Variants in LRMDA observed in about 807,000 individuals in gnomAD.
The protein encoded by LRMDA is leucine rich melanocyte differentiation associated.
A neutral mutation model predicts 29.8 loss-of-function variants in LRMDA; 18 were observed. The observed-to-expected ratio is 0.60, with a 90% CI of 0.42 to 0.90. The LOEUF is 0.90. Among genes scored for constraint, LRMDA ranks in the 40% least tolerant of loss-of-function variants. The pLI is 0.00. For synonymous variants in LRMDA, 125 were observed against 109.4 expected (o/e 1.14, Z -0.89); for missense variants, 273 against 273.9 (o/e 1.00, Z 0.02).
intron 2 of LRMDA, among the ~76,000 whole-genome samples, chr10:75,696,629 G>A (rs896832832): frequency 1.5e-4 from 23 of 152,204 alleles, no homozygotes; most frequent in African/African-American, 5.5e-4. Context: ...CAGAAAAGCT[G>A]TAAGACGATG....
intron 2 of LRMDA, among the ~76,000 whole-genome samples, chr10:75,972,830 C>T (rs1564620203): frequency 1.3e-5 from 2 of 152,160 alleles, no homozygotes; most frequent in African/African-American, 4.8e-5. Context: ...CTCCAAGTCT[C>T]CTCTGCCACC....
chr10:76,160,279 A>AT (rs1001986255), intron 5 of LRMDA, among the ~76,000 whole-genome samples: 1 of 150,650 alleles, frequency 6.6e-6, no homozygotes, highest in Non-Finnish European at 1.5e-5. Flanking sequence ...CACATGTGTC[A>AT]TTTTATCTTG....
chr10:75,531,577 A>G (rs1458985505), intron 2 of LRMDA, among the ~76,000 whole-genome samples: 1 of 152,156 alleles, frequency 6.6e-6, no homozygotes, highest in Non-Finnish European at 1.5e-5. Flanking sequence ...GCCTGGTTGT[A>G]AGTGCCACAG....
At chr10:76,549,095 C>A (rs545318553) in intron 6 of LRMDA, among the ~76,000 whole-genome samples, 53 of 152,232 alleles carry the variant, frequency 3.5e-4, no homozygotes, top group African/African-American at 1.2e-3. Context: ...TCCTCTCTTT[C>A]CTTCCCCACC....
chr10:75,610,471 A>C (rs921217664), intron 2 of LRMDA, among the ~76,000 whole-genome samples: 10 of 151,864 alleles, frequency 6.6e-5, no homozygotes, highest in African/African-American at 2.4e-4. Flanking sequence ...AGACAAACAC[A>C]TACCACACCC....
intron 2 of LRMDA, among the ~76,000 whole-genome samples, chr10:75,930,346 G>A (rs913400134): frequency 6.6e-6 from 1 of 152,130 alleles, no homozygotes; most frequent in Non-Finnish European, 1.5e-5. Flanking sequence ...GAATTTCTCG[G>A]TGTCTTAGTT....
chr10:76,357,553 G>A (rs952724865), intron 6 of LRMDA, among the ~76,000 whole-genome samples: 3 of 152,136 alleles, frequency 2.0e-5, no homozygotes, highest in Non-Finnish European at 4.4e-5. Context: ...TTTTAGAGCC[G>A]GAGTTTCTAA....
chr10:76,307,967 T>A (rs1840579246), intron 5 of LRMDA, among the ~76,000 whole-genome samples: 1 of 152,174 alleles, frequency 6.6e-6, no homozygotes. Context: ...TCCTGAACTG[T>A]TCAACAAGGG....
intron 2 of LRMDA, among the ~76,000 whole-genome samples, chr10:75,625,358 A>C (rs569404206): frequency 6.6e-6 from 1 of 152,330 alleles, no homozygotes; most frequent in South Asian, 2.1e-4. Context: ...TGACTTGTCC[A>C]ACTGATAGGA....
At chr10:75,975,627 G>A (rs1329254769) in intron 2 of LRMDA, among the ~76,000 whole-genome samples, 3 of 152,234 alleles carry the variant, frequency 2.0e-5, no homozygotes, top group East Asian at 1.9e-4. Context: ...CTTTCTTTGG[G>A]CCTTGAACTC....
chr10:75,483,984 C>T (rs1844881946), intron 2 of LRMDA, among the ~76,000 whole-genome samples: 1 of 151,238 alleles, frequency 6.6e-6, no homozygotes, highest in African/African-American at 2.4e-5. Context: ...GAGACAGGAT[C>T]TCACTTTGTC....
intron 2 of LRMDA, among the ~76,000 whole-genome samples, chr10:75,492,672 A>G (rs1255122296): frequency 6.6e-6 from 1 of 152,176 alleles, no homozygotes; most frequent in Non-Finnish European, 1.5e-5. Flanking sequence ...TTTATTGTTA[A>G]AATTTGCTCT....
At chr10:75,807,688 A>G (rs1350249063) in intron 2 of LRMDA, among the ~76,000 whole-genome samples, 1 of 152,196 alleles carries the variant, frequency 6.6e-6, no homozygotes, top group Admixed American at 6.5e-5. Flanking sequence ...AAGAATTCAT[A>G]TAAGAGGCTG....
intron 2 of LRMDA, among the ~76,000 whole-genome samples, chr10:75,976,608 A>G (rs1847075833): frequency 6.6e-6 from 1 of 152,180 alleles, no homozygotes; most frequent in African/African-American, 2.4e-5. Context: ...AATAACTAAT[A>G]AGCAGTTAAT....
At chr10:76,548,884 TG>T (rs1232805330) in intron 6 of LRMDA, among the ~76,000 whole-genome samples, 3 of 152,194 alleles carry the variant, frequency 2.0e-5, no homozygotes, top group African/African-American at 7.2e-5. Context: ...TGGAAAGGAC[TG>T]AATGGCCCAC....
chr10:76,373,604 T>G (rs1841481666), intron 6 of LRMDA, among the ~76,000 whole-genome samples: 1 of 152,138 alleles, frequency 6.6e-6, no homozygotes, highest in African/African-American at 2.4e-5. Context: ...TGCATTGGTT[T>G]TGAGTCTTCC....
intron 5 of LRMDA, among the ~76,000 whole-genome samples, chr10:76,235,995 G>A (rs1852145339): frequency 6.6e-6 from 1 of 152,150 alleles, no homozygotes; most frequent in South Asian, 2.1e-4. Flanking sequence ...GGTACATTCT[G>A]TTTGGCGAGC....
In LRMDA at chr10:75,990,701, G is replaced by T. The variant is rs115314891; in HGVS notation, c.132-45307G>T. Reference sequence around the variant, plus strand: ...AATAAAAAATAAGTACTTTGGGTTGGAGGAGAAATAATTAAGAATATTTGT... The same window carrying T: ...AATAAAAAATAAGTACTTTGGGTTGTAGGAGAAATAATTAAGAATATTTGT... On this transcript the variant is annotated intron_variant, in intron 2 of 6. Transcript: ENST00000611255. 3.6e-3 allele frequency among the ~76,000 whole-genome samples: 551 copies of T among 152,314 alleles called. 5 individuals are homozygous for T. Among genetic ancestry groups the T allele is most frequent in the African/African-American group, 0.013 (530 of 41,558 alleles).
At chr10:75,813,920 T>C (rs1431085117) in intron 2 of LRMDA, among the ~76,000 whole-genome samples, 1 of 152,236 alleles carries the variant, frequency 6.6e-6, no homozygotes, top group Non-Finnish European at 1.5e-5. Flanking sequence ...ATCTTCATTA[T>C]GCTAATAAAC....
Sources: gnomAD v4.1 joint callset for allele counts (sites outside exome capture counted in the v4.1 genomes callset) on GRCh38, gnomAD v4.1.1 for gene constraint, MANE v1.5 for transcripts, NCBI Gene and HGNC (gene_info 2026-07-23, HGNC 2026-07-21) for gene names.